Variants in MAPRE2 observed in about 807,000 individuals in gnomAD.
MAPRE2 encodes microtubule associated protein RP/EB family member 2, also known as microtubule-associated protein RP/EB family member 2.
MAPRE2 carries 13 observed loss-of-function variants against 43.2 expected under a neutral mutation model. The observed-to-expected ratio is 0.30, with a 90% CI of 0.20 to 0.48. The LOEUF is 0.48. Among genes scored for constraint, MAPRE2 ranks in the 20% least tolerant of loss-of-function variants. The probability of loss-of-function intolerance (pLI) is 0.99; values close to 1 mark genes in which losing one functional copy is unlikely to be tolerated. For synonymous variants in MAPRE2, 135 were observed against 148.8 expected (o/e 0.91, Z 0.68); for missense variants, 161 against 400.2 (o/e 0.40, Z 5.10).
intron 1 of MAPRE2, among the ~76,000 whole-genome samples, chr18:35,065,049 C>T (rs948716891): frequency 3.9e-5 from 6 of 152,048 alleles, no homozygotes; most frequent in African/African-American, 1.4e-4. Context: ...AATCCCAGCA[C>T]TTTGGGAGGC....
chr18:35,084,282 A>T (rs1453673554), intron 2 of MAPRE2, among the ~76,000 whole-genome samples: 1 of 152,186 alleles, frequency 6.6e-6, no homozygotes, highest in Non-Finnish European at 1.5e-5. Context: ...TCAAAAAAAA[A>T]TAATAAATAA....
At chr18:34,999,747 C>T (rs1479886854) in intron 1 of MAPRE2, among the ~76,000 whole-genome samples, 2 of 152,114 alleles carry the variant, frequency 1.3e-5, no homozygotes, top group Non-Finnish European at 1.5e-5. Flanking sequence ...CAGACTTAAC[C>T]CAAGATTCAG....
At chr18:35,000,012 T>G (rs1033398183) in intron 1 of MAPRE2, among the ~76,000 whole-genome samples, 1 of 151,994 alleles carries the variant, frequency 6.6e-6, no homozygotes, top group African/African-American at 2.4e-5. Flanking sequence ...ACCTCAGGAT[T>G]AATGGCCTGT....
In MAPRE2 at chr18:35,134,672, T is replaced by G. The variant is rs578038384; in HGVS notation, c.909+2482T>G. Among the ~76,000 whole-genome samples, 38 of 152,334 alleles carry G rather than the reference T, an allele frequency of 2.5e-4. No individual in the cohort carries two copies. The South Asian group carries it at 7.9e-3, about 32-fold the overall frequency. On this transcript the variant is annotated intron_variant, in intron 6 of 6. Coordinates refer to ENST00000300249, the MANE Select transcript of MAPRE2 (RefSeq NM_014268.4). ...ACAGTCTTCAGTTGAACACGCCCTG[T>G]GTGTGAAGAAGAAAGTTTCCAAATT... is the stretch of plus-strand genomic sequence containing the variant.
chr18:35,065,620 C>T (rs1389584103), intron 1 of MAPRE2, among the ~76,000 whole-genome samples: 2 of 151,980 alleles, frequency 1.3e-5, no homozygotes, highest in Admixed American at 6.5e-5. Context: ...GTGGCCCAAT[C>T]TCAACTCACT....
chr18:35,051,489 T>C lies in MAPRE2; in HGVS notation c.122+9828T>C, dbSNP rs540128900. On this transcript the variant is annotated intron_variant, in intron 1 of 6. Transcript: ENST00000300249. ...TAACAATGACTTTAAGATGTCAGCA[T>C]GTACCTATTTCCAGCCTGTATGATA... Among the ~76,000 whole-genome samples, 108 of 152,342 alleles carry C rather than the reference T, an allele frequency of 7.1e-4. 1 individual carries two copies. The highest frequency in any genetic ancestry group is 2.5e-3 in the African/African-American group (103 of 41,584).
chr18:35,083,742 C>T (rs1226033225), intron 2 of MAPRE2, among the ~76,000 whole-genome samples: 5 of 152,110 alleles, frequency 3.3e-5, no homozygotes, highest in Admixed American at 1.3e-4. Flanking sequence ...GAGCGCTGGC[C>T]ACTGCACCAT....
chr18:35,039,808 G>A (rs2097052630), upstream of MAPRE2, among the ~76,000 whole-genome samples: 1 of 152,186 alleles, frequency 6.6e-6, no homozygotes, highest in African/African-American at 2.4e-5. Context: ...GTGAGTCATA[G>A]CTTAATACTT....
intron 2 of MAPRE2, among the ~76,000 whole-genome samples, chr18:35,010,099 T>C (rs1454530440): frequency 6.6e-6 from 1 of 152,190 alleles, no homozygotes; most frequent in Admixed American, 6.5e-5. Flanking sequence ...TTAATTAAAA[T>C]TTTAATTTAG....
chr18:35,051,016 G>A (rs1381721672), intron 1 of MAPRE2, among the ~76,000 whole-genome samples: 3 of 152,200 alleles, frequency 2.0e-5, no homozygotes, highest in Non-Finnish European at 2.9e-5. Flanking sequence ...GAACTTACGA[G>A]CTGAATGTCT....
intron 1 of MAPRE2, among the ~76,000 whole-genome samples, chr18:34,981,545 G>A (rs534420460): frequency 1.9e-4 from 29 of 152,208 alleles, no homozygotes; most frequent in South Asian, 6.2e-4. Flanking sequence ...GAGAACAGAC[G>A]AGAACCACCC....
At chr18:35,130,983 G>T (rs981391034) in intron 5 of MAPRE2, among the ~76,000 whole-genome samples, 1 of 152,146 alleles carries the variant, frequency 6.6e-6, no homozygotes, top group African/African-American at 2.4e-5. Flanking sequence ...AGGATCGAGG[G>T]GAAGAAAGAG....
Position 35,132,197 on chromosome 18 carries a change from G to T in MAPRE2, c.909+7G>T, listed in dbSNP as rs1194055593. On this transcript the variant is annotated splice_region_variant and intron_variant, in intron 6 of 6. Coordinates refer to ENST00000300249, the MANE Select transcript of MAPRE2 (RefSeq NM_014268.4). ...GTATGCTTCAGAAGAACACGTAAGTGTGAGGAGCATGTGACTCCTGTGTTC... is the reference window on the plus strand; with the variant it reads ...GTATGCTTCAGAAGAACACGTAAGTTTGAGGAGCATGTGACTCCTGTGTTC... The T allele has an allele frequency of 3.7e-6, 6 of 1,613,760 alleles. No homozygotes were observed. Among genetic ancestry groups the T allele is most frequent in the Non-Finnish European group, 4.2e-6 (5 of 1,179,734 alleles).
At chr18:35,076,084 A>G (rs1195371342) in intron 2 of MAPRE2, among the ~76,000 whole-genome samples, 1 of 152,194 alleles carries the variant, frequency 6.6e-6, no homozygotes, top group African/African-American at 2.4e-5. Context: ...AAACTGCTCT[A>G]TAATTTTTTT....
rs2097019423 is a variant in MAPRE2 at position 34,985,318 on chromosome 18, A to ATAT, written c.-70+8240_-70+8242dup. ...TATTATATATTGTATATATTATATT[A>ATAT]TATATATAATATAATATATAATATA... On this transcript the variant is annotated intron_variant, in intron 1 of 7. Transcript: ENST00000413393. Among the ~76,000 whole-genome samples the ATAT allele has an allele frequency of 9.5e-4, 42 of 44,398 alleles. 3 individuals carry two copies. The highest frequency in any genetic ancestry group is 1.4e-3 in the Non-Finnish European group (37 of 27,382). 29.1% of individuals were successfully genotyped at this position (44,398 alleles called of 152,430 possible).
intron 1 of MAPRE2, among the ~76,000 whole-genome samples, chr18:35,064,891 T>C (rs991867466): frequency 1.3e-5 from 2 of 152,242 alleles, no homozygotes; most frequent in Admixed American, 1.3e-4. Context: ...AAGTCATGTG[T>C]ATCAGTGGTC....
In MAPRE2 at chr18:35,048,521, A is replaced by G. The variant is rs1027741626; in HGVS notation, c.122+6860A>G. Among the ~76,000 whole-genome samples the G allele has an allele frequency of 3.3e-5, 5 of 150,600 alleles. No homozygotes were observed. In the South Asian group the frequency reaches 6.3e-4, roughly 19 times the overall value. On this transcript the variant is annotated intron_variant, in intron 1 of 6. Coordinates refer to ENST00000300249, the MANE Select transcript of MAPRE2 (RefSeq NM_014268.4). ...TAATTATATATGTGTTACATATAGTATTAACACATATACTACATATACTAT... is the reference window on the plus strand; with the variant it reads ...TAATTATATATGTGTTACATATAGTGTTAACACATATACTACATATACTAT...
intron 4 of MAPRE2, among the ~76,000 whole-genome samples, chr18:35,106,262 A>AT (rs142893087): frequency 0.014 from 2,107 of 151,666 alleles, 51 homozygotes; most frequent in African/African-American, 0.048. Flanking sequence ...ATAGTCCTTA[A>AT]TTTTTTTTTA....
At chr18:35,082,930 A>T (rs751917849) in intron 2 of MAPRE2, among the ~76,000 whole-genome samples, 1 of 152,048 alleles carries the variant, frequency 6.6e-6, no homozygotes, top group Non-Finnish European at 1.5e-5. Flanking sequence ...CTGTTTTTCC[A>T]TGTGTATTTC....
Sources: allele counts gnomAD v4.1 joint callset (sites outside exome capture counted in the v4.1 genomes callset), GRCh38; gene constraint gnomAD v4.1.1; transcripts MANE v1.5; gene names NCBI Gene and HGNC (gene_info 2026-07-23, HGNC 2026-07-21).